COMMD1: variants seen among roughly 807,000 people sequenced by gnomAD.
COMMD1 encodes the protein copper metabolism domain containing 1, also known as COMM domain-containing protein 1.
A neutral mutation model predicts 17.2 loss-of-function variants in COMMD1; 10 were observed. That is an observed-to-expected ratio of 0.58 (90% CI 0.36 to 0.99). The LOEUF is 0.99. Ranked by LOEUF, COMMD1 falls within the 50% of genes least tolerant of loss-of-function variation. COMMD1 has a pLI of 0.01. For synonymous variants in COMMD1, 97 were observed against 91.6 expected (o/e 1.06, Z -0.34); for missense variants, 270 against 231.8 (o/e 1.17, Z -1.07).
chr2:62,069,578 G>A (rs1454635090), intron 2 of COMMD1: 1 of 152,142 alleles, frequency 6.6e-6, no homozygotes, highest in Non-Finnish European at 1.5e-5. Context: ...GTAGGGCAAG[G>A]ACTTAAAATT....
intron 1 of COMMD1, among the ~76,000 whole-genome samples, chr2:61,921,358 C>G (rs1670191669): frequency 6.6e-6 from 1 of 152,186 alleles, no homozygotes; most frequent in African/African-American, 2.4e-5. Context: ...TGGCTTTAGT[C>G]ATTTACAGAA....
chr2:61,916,583 G>A (rs1033545822), intron 1 of COMMD1, among the ~76,000 whole-genome samples: 7 of 151,652 alleles, frequency 4.6e-5, no homozygotes, highest in South Asian at 2.1e-4. Flanking sequence ...CAACATGCCC[G>A]GCTAATTTAA....
upstream of COMMD1, chr2:61,888,551 G>A (rs930619000): frequency 1.3e-6 from 2 of 1,593,674 alleles, no homozygotes; most frequent in Non-Finnish European, 1.7e-6. Context: ...AGGACGGATG[G>A]ACCCGGATTC....
intron 1 of COMMD1, chr2:61,968,861 G>A (rs1172771100): frequency 4.9e-6 from 1 of 203,866 alleles, no homozygotes; most frequent in Non-Finnish European, 1.1e-5. Context: ...CCTGGCCTCA[G>A]TTTTTACTTA....
chr2:62,011,694 G>A (rs1333488458), intron 2 of COMMD1, among the ~76,000 whole-genome samples: 2 of 152,148 alleles, frequency 1.3e-5, no homozygotes, highest in Admixed American at 6.5e-5. Flanking sequence ...GGAGCTCACA[G>A]TGAAAGAAAG....
At chr2:62,120,016 G>A (rs932797534) in intron 2 of COMMD1, among the ~76,000 whole-genome samples, 3 of 150,948 alleles carry the variant, frequency 2.0e-5, no homozygotes, top group South Asian at 4.2e-4. Flanking sequence ...ATTTCATTTC[G>A]AGACAGGGTC....
At chr2:62,049,388 G>T (rs1478121944) in intron 2 of COMMD1, among the ~76,000 whole-genome samples, 1 of 152,130 alleles carries the variant, frequency 6.6e-6, no homozygotes, top group Non-Finnish European at 1.5e-5. Flanking sequence ...TAGATGAGTG[G>T]ATTATCCTGG....
chr2:62,089,627 TTAAA>T (rs1671768671), intron 2 of COMMD1, among the ~76,000 whole-genome samples: 1 of 151,854 alleles, frequency 6.6e-6, no homozygotes, highest in Non-Finnish European at 1.5e-5. Context: ...TGTCTTGGGG[TTAAA>T]TATTTTTTAG....
At chr2:62,087,378 G>C (rs940124148) in intron 2 of COMMD1, among the ~76,000 whole-genome samples, 1 of 152,104 alleles carries the variant, frequency 6.6e-6, no homozygotes, top group East Asian at 1.9e-4. Context: ...ACTCTACTTG[G>C]CATACTTTTA....
At chr2:62,112,786 A>G (rs1445890990) in intron 2 of COMMD1, among the ~76,000 whole-genome samples, 1 of 152,090 alleles carries the variant, frequency 6.6e-6, no homozygotes, top group East Asian at 1.9e-4. Context: ...GTATAGTCAG[A>G]CTCTTAAATC....
rs375878151 is a variant in COMMD1 at position 61,890,195 on chromosome 2, A to C, written n.119+1353A>C. On this transcript the variant is annotated intron_variant and non_coding_transcript_variant, in intron 1 of 2. Coordinates refer to the COMMD1 transcript ENST00000472729. ...AAAGGTACTTAATCTTGTAATTATGAGGTGGTGGTGGTGTTGTTTGTTTGT... is the reference window on the plus strand; with the variant it reads ...AAAGGTACTTAATCTTGTAATTATGCGGTGGTGGTGGTGTTGTTTGTTTGT... Among the ~76,000 whole-genome samples the C allele has an allele frequency of 1.8e-3, 272 of 152,204 alleles. 7 individuals carry two copies. The South Asian group carries it at 0.053, about 30-fold the overall frequency.
intron 1 of COMMD1, among the ~76,000 whole-genome samples, chr2:61,950,257 A>C (rs1031338094): frequency 6.6e-6 from 1 of 152,218 alleles, no homozygotes; most frequent in Non-Finnish European, 1.5e-5. Flanking sequence ...CAGAACAAGC[A>C]GGAAATCCCA....
chr2:62,007,668 C>G (rs1035636696), intron 2 of COMMD1, among the ~76,000 whole-genome samples: 1 of 152,088 alleles, frequency 6.6e-6, no homozygotes, highest in African/African-American at 2.4e-5. Flanking sequence ...GGTTTATAGC[C>G]TAGAAGCAAT....
intron 1 of COMMD1, among the ~76,000 whole-genome samples, chr2:61,907,287 A>C (rs1352653382): frequency 6.6e-6 from 1 of 152,098 alleles, no homozygotes; most frequent in Admixed American, 6.6e-5. Flanking sequence ...TTGTATTTTT[A>C]GTAGAGACTG....
At chr2:61,908,178 C>T (rs1324597120) in intron 1 of COMMD1, among the ~76,000 whole-genome samples, 3 of 151,212 alleles carry the variant, frequency 2.0e-5, no homozygotes, top group Admixed American at 2.0e-4. Flanking sequence ...TTACATAGGG[C>T]TGAAACCGTG....
chr2:61,985,343 C>T (rs1672078981), intron 1 of COMMD1, among the ~76,000 whole-genome samples: 1 of 152,162 alleles, frequency 6.6e-6, no homozygotes, highest in Non-Finnish European at 1.5e-5. Context: ...AGCCACCGCA[C>T]CCGGCCCTAT....
intron 1 of COMMD1, among the ~76,000 whole-genome samples, chr2:61,911,082 T>TA (rs546105525): frequency 6.1e-4 from 87 of 143,650 alleles, no homozygotes; most frequent in Middle Eastern, 3.6e-3. Context: ...AAACCCCATC[T>TA]AAAAAAAAAA....
chr2:62,078,552 C>CAAA (rs34983790), intron 2 of COMMD1, among the ~76,000 whole-genome samples: 2 of 86,898 alleles, frequency 2.3e-5, no homozygotes, highest in African/African-American at 4.3e-5. Context: ...GACTCCGTCT[C>CAAA]AAAAAAAAAA....
chr2:61,958,333 C>G (rs1255980067), intron 1 of COMMD1, among the ~76,000 whole-genome samples: 3 of 150,768 alleles, frequency 2.0e-5, no homozygotes, highest in Non-Finnish European at 4.4e-5. Context: ...GGGGCGCGAT[C>G]TCAGCTCACC....
Sources: gnomAD v4.1 joint callset for allele counts (sites outside exome capture counted in the v4.1 genomes callset) on GRCh38, gnomAD v4.1.1 for gene constraint, MANE v1.5 for transcripts, NCBI Gene and HGNC (gene_info 2026-07-23, HGNC 2026-07-21) for gene names.